The following AGAP1 variants were observed in gnomAD, a reference collection of about 807,000 sequenced individuals.
AGAP1 encodes ArfGAP with GTPase domain, ankyrin repeat and PH domain 1.
In AGAP1, 29 loss-of-function variants were observed where a neutral mutation model predicts 105.3. The ratio of observed to expected loss-of-function variants is 0.28; its 90% confidence interval spans 0.21 to 0.38. AGAP1 has a LOEUF of 0.38. Among genes scored for constraint, AGAP1 ranks in the 10% least tolerant of loss-of-function variants. The pLI, the probability that AGAP1 is intolerant of heterozygous loss-of-function variation, is 1.00. For missense variants in AGAP1, 998 were observed against 1,165.1 expected (o/e 0.86, Z 2.09); for synonymous variants, 509 against 485.9 (o/e 1.05, Z -0.63).
intron 16 of AGAP1, among the ~76,000 whole-genome samples, chr2:236,069,554 G>T (rs2058442959): frequency 6.6e-6 from 1 of 152,166 alleles, no homozygotes; most frequent in Middle Eastern, 3.2e-3. Context: ...CTCCCAAATA[G>T]CTGGGATTAC....
chr2:235,499,759 C>T (rs1175299331), intron 1 of AGAP1, among the ~76,000 whole-genome samples: 1 of 152,118 alleles, frequency 6.6e-6, no homozygotes, highest in Non-Finnish European at 1.5e-5. Flanking sequence ...CTCTGCCCAC[C>T]GTGTTTGGCT....
intron 6 of AGAP1, among the ~76,000 whole-genome samples, chr2:235,781,157 T>C (rs1377419702): frequency 6.6e-6 from 1 of 152,262 alleles, no homozygotes; most frequent in Non-Finnish European, 1.5e-5. Context: ...TGTCATTTTT[T>C]AAATGTACCA....
At position 236,027,859 on chromosome 2, in the gene AGAP1, T is replaced by C. The variant is rs1196018595; in HGVS notation, c.1646-8702T>C. Reference sequence around the variant, plus strand: ...GTGATCACAGGGCCTTTGTGCATGCTACATACACGTCAGAGACAGACCATA... The same window carrying C: ...GTGATCACAGGGCCTTTGTGCATGCCACATACACGTCAGAGACAGACCATA... On this transcript the variant is annotated intron_variant, in intron 13 of 17. Transcript: ENST00000304032. This position sits in a 1 kb window ranked among gnomAD's most constrained non-coding sequence, Gnocchi z 4.4. Among the ~76,000 whole-genome samples, 1 of 152,092 alleles carries C rather than the reference T, an allele frequency of 6.6e-6. No individual in the cohort carries two copies. Among genetic ancestry groups the C allele is most frequent in the African/African-American group, 2.4e-5 (1 of 41,424 alleles).
At position 235,989,117 on chromosome 2, in the gene AGAP1, G is replaced by A. The variant is rs955834394; in HGVS notation, c.1645+20494G>A. ...AATAATAATGTGAGATGAAGATGATGATGATGGTTGTTGTTATTTAAAACT... is the reference window on the plus strand; with the variant it reads ...AATAATAATGTGAGATGAAGATGATAATGATGGTTGTTGTTATTTAAAACT... On this transcript the variant is annotated intron_variant, in intron 13 of 17. Transcript: ENST00000304032. This position sits in a 1 kb window ranked among gnomAD's most constrained non-coding sequence, Gnocchi z 4.4. Among the ~76,000 whole-genome samples, 5 of 152,308 alleles carry A rather than the reference G, an allele frequency of 3.3e-5. No individual in the cohort carries two copies. Among genetic ancestry groups the A allele is most frequent in the Middle Eastern group, 6.8e-3 (2 of 294 alleles).
In AGAP1 at chr2:236,120,478, G is replaced by A. The variant is rs1369649899; in HGVS notation, c.2370+31G>A. On this transcript the variant is annotated intron_variant, in intron 17 of 17. Transcript: ENST00000304032. This position sits in a 1 kb window ranked among gnomAD's most constrained non-coding sequence, Gnocchi z 6.0. ...TGGTCGGCACGCCTGGCAGAGGACG[G>A]GGCCACAGGAGGCACTCTCTGCTTT... 7 of 1,609,744 alleles carry A rather than the reference G, an allele frequency of 4.3e-6. No homozygotes were observed. The highest frequency in any genetic ancestry group is 5.9e-6 in the Non-Finnish European group (7 of 1,179,102).
chr2:235,504,801 T>G (rs1941725035), intron 1 of AGAP1, among the ~76,000 whole-genome samples: 3 of 152,252 alleles, frequency 2.0e-5, no homozygotes, highest in Admixed American at 2.0e-4. Context: ...TTCAGTTGTT[T>G]GTTCATAAAC....
At chr2:235,709,294 C>G (rs750468769) in intron 2 of AGAP1, 57 bp downstream of exon 2, 3 of 1,570,302 alleles carry the variant, frequency 1.9e-6, no homozygotes, top group Non-Finnish European at 2.6e-6. Context: ...CTGTGCACAC[C>G]CAAGCCTGCA....
intron 13 of AGAP1, among the ~76,000 whole-genome samples, chr2:236,016,997 A>G (rs2056726955): frequency 6.6e-6 from 1 of 152,128 alleles, no homozygotes; most frequent in South Asian, 2.1e-4. Context: ...ATAATGTATT[A>G]CAGAATTCAG....
intron 6 of AGAP1, among the ~76,000 whole-genome samples, chr2:235,759,919 C>G (rs1177691937): frequency 6.6e-6 from 1 of 151,998 alleles, no homozygotes; most frequent in Admixed American, 6.6e-5. Context: ...TTAAAAAAAT[C>G]CAACAAAATG....
chr2:235,764,470 C>T (rs1185990162), intron 6 of AGAP1, among the ~76,000 whole-genome samples: 1 of 152,218 alleles, frequency 6.6e-6, no homozygotes, highest in Non-Finnish European at 1.5e-5. Flanking sequence ...AGCACATCCC[C>T]CCCACTTTGG....
In AGAP1 at chr2:235,797,901, A is replaced by G. The variant is rs1166220429; in HGVS notation, c.801+15A>G. The G allele has an allele frequency of 1.9e-6, 3 of 1,613,842 alleles. No homozygotes were observed. The highest frequency in any genetic ancestry group is 2.5e-6 in the Non-Finnish European group (3 of 1,179,952). ...ACATCAGCCAGGTACGTTAGGTGAC[A>G]TGAGAAGTCAGACTCTTAGAACCAA... On this transcript the variant is annotated intron_variant, in intron 7 of 17. Coordinates refer to ENST00000304032, the MANE Select transcript of AGAP1 (RefSeq NM_001037131.3).
rs995216256 is a variant in AGAP1, at chr2:236,114,253, C to A, written c.2115-5939C>A. On this transcript the variant is annotated intron_variant, in intron 16 of 17. Coordinates refer to ENST00000304032, the MANE Select transcript of AGAP1 (RefSeq NM_001037131.3). The surrounding 1 kb of genome is among the most constrained non-coding windows in gnomAD (Gnocchi z 5.0). ...AAATGAAAGGCTCAGCCAAGACAAG[C>A]CAGGGATCCCAGAAGTAGAATTGCG... Among the ~76,000 whole-genome samples the A allele has an allele frequency of 1.3e-5, 2 of 152,138 alleles. No individual in the cohort carries two copies. The highest frequency in any genetic ancestry group is 2.9e-5 in the Non-Finnish European group (2 of 68,026).
In AGAP1 at chr2:235,674,693, C is replaced by CTTTT. The variant is rs201019044; in HGVS notation, c.164-34472_164-34469dup. 8.4e-4 allele frequency among the ~76,000 whole-genome samples: 115 copies of CTTTT among 136,290 alleles called. 2 individuals are homozygous for CTTTT. The South Asian group carries it at 0.011, about 13-fold the overall frequency. 89.4% of individuals were successfully genotyped at this position (136,290 alleles called of 152,430 possible). On this transcript the variant is annotated intron_variant, in intron 1 of 17. Transcript: ENST00000304032. The stretch of plus-strand genomic sequence containing the variant: ...CAGTCAATTACTGTAGGGTGATAGA[C>CTTTT]TTTTTTTTTTTTTTTTTGATGGAGT...
rs2049825274 is a variant in AGAP1 at position 235,877,930 on chromosome 2, A to ATTTCC, written c.1051-5414_1051-5413insTTCCT. Among the ~76,000 whole-genome samples the ATTTCC allele has an allele frequency of 6.6e-6, 1 of 152,166 alleles. No individual in the cohort carries two copies. On this transcript the variant is annotated intron_variant, in intron 9 of 17. Coordinates refer to ENST00000304032, the MANE Select transcript of AGAP1 (RefSeq NM_001037131.3). This position sits in a 1 kb window ranked among gnomAD's most constrained non-coding sequence, Gnocchi z 4.3. ...GGGAATCTTTCCTAATGCAAATCAG[A>ATTTCC]TAACCCCTTCCTCCCTCCACCCTGC...
At position 236,099,410 on chromosome 2, in the gene AGAP1, A is replaced by G. The variant is rs947752613; in HGVS notation, c.2115-20782A>G. On this transcript the variant is annotated intron_variant, in intron 16 of 17. Transcript: ENST00000304032. ...GAGGAGGTTGCGGTGAGCCGAGATC[A>G]CACCACTGCACTCCAGCCTGGGCGA... 5.3e-5 allele frequency among the ~76,000 whole-genome samples: 8 copies of G among 151,462 alleles called. No homozygotes were observed. In the South Asian group the frequency reaches 1.3e-3, roughly 24 times the overall value.
chr2:236,056,424 C>T lies in AGAP1; in HGVS notation c.2114+7143C>T, dbSNP rs1299202736. Among the ~76,000 whole-genome samples the T allele has an allele frequency of 6.6e-6, 1 of 152,140 alleles. No individual in the cohort carries two copies. The highest frequency in any genetic ancestry group is 1.5e-5 in the Non-Finnish European group (1 of 68,034). ...TCTGATGCTTAAGAATTTTTACTGC[C>T]CCTGGCAGATGAGAAGGCAAGTCAT... On this transcript the variant is annotated intron_variant, in intron 16 of 17. Coordinates refer to ENST00000304032, the MANE Select transcript of AGAP1 (RefSeq NM_001037131.3). This position sits in a 1 kb window ranked among gnomAD's most constrained non-coding sequence, Gnocchi z 4.6.
chr2:235,710,480 C>T (rs1424960022), intron 2 of AGAP1, among the ~76,000 whole-genome samples: 1 of 152,192 alleles, frequency 6.6e-6, no homozygotes, highest in Non-Finnish European at 1.5e-5. Context: ...CTGGGCCCAT[C>T]TCCTTCCCGG....
At position 235,792,041 on chromosome 2, in the gene AGAP1, T is replaced by C. The variant is rs1957009065; in HGVS notation, c.674-5718T>C. On this transcript the variant is annotated intron_variant, in intron 6 of 17. Transcript: ENST00000304032. This position sits in a 1 kb window ranked among gnomAD's most constrained non-coding sequence, Gnocchi z 5.3. ...GTGAGCATTTAAAATACGGTTTTAT[T>C]GGAGGTGTGGTTCGTACTTTATAAT... 6.6e-6 allele frequency among the ~76,000 whole-genome samples: 1 copy of C among 152,208 alleles called. No individual in the cohort carries two copies. The highest frequency in any genetic ancestry group is 1.5e-5 in the Non-Finnish European group (1 of 68,034).
Position 235,559,947 on chromosome 2 carries a change from A to G in AGAP1, c.163+65098A>G, listed in dbSNP as rs1944093982. Among the ~76,000 whole-genome samples the G allele has an allele frequency of 6.6e-6, 1 of 152,068 alleles. No homozygotes were observed. The highest frequency in any genetic ancestry group is 2.4e-5 in the African/African-American group (1 of 41,412). ...CTTTTTTTCTGTGGTTTGTCCATTA[A>G]TGTTCTTGATATTCTTTGAGGTACT... On this transcript the variant is annotated intron_variant, in intron 1 of 17. Transcript: ENST00000304032. The surrounding 1 kb of genome is among the most constrained non-coding windows in gnomAD (Gnocchi z 5.7).
Sources: gnomAD v4.1 joint callset for allele counts (sites outside exome capture counted in the v4.1 genomes callset) on GRCh38, gnomAD v4.1.1 for gene constraint, Gnocchi (gnomAD v3.1) non-coding constraint, MANE v1.5 for transcripts, NCBI Gene and HGNC (gene_info 2026-07-23, HGNC 2026-07-21) for gene names.